The following NCAM2 variants were observed in gnomAD, a reference collection of about 807,000 sequenced individuals.
NCAM2 encodes the protein N-CAM-2.
In NCAM2, 30 loss-of-function variants were observed where a neutral mutation model predicts 98.1. The observed-to-expected ratio is 0.31, with a 90% confidence interval of 0.23 to 0.41. The LOEUF is 0.41. NCAM2 is among the 10% of genes least tolerant of loss of function. The pLI, the probability that NCAM2 is intolerant of heterozygous loss-of-function variation, is 1.00. For synonymous variants in NCAM2, 368 were observed against 342.4 expected, an observed-to-expected ratio of 1.07 and a Z score of -0.83; for missense variants, 867 against 1,005.8, an observed-to-expected ratio of 0.86 and a Z score of 1.87.
At chr21:21,277,012 T>C (rs755211368) in intron 1 of NCAM2, among the ~76,000 whole-genome samples, 8 of 152,096 alleles carry the variant, frequency 5.3e-5, no homozygotes, top group Non-Finnish European at 8.8e-5. Context: ...AGAACTGTAT[T>C]TGACTTTTAA....
intron 1 of NCAM2, among the ~76,000 whole-genome samples, chr21:21,212,291 C>G (rs540102489): frequency 3.3e-4 from 50 of 152,136 alleles, no homozygotes; most frequent in African/African-American, 1.2e-3. Flanking sequence ...ATGAAAAAAG[C>G]CAATTCAAAA....
chr21:21,458,407 C>T (rs1254658695), intron 12 of NCAM2, among the ~76,000 whole-genome samples: 4 of 152,194 alleles, frequency 2.6e-5, no homozygotes, highest in East Asian at 3.9e-4. Flanking sequence ...TCTGGAGAGC[C>T]GCTGGGCCCC....
chr21:21,355,482 AAG>A (rs2075447919), intron 8 of NCAM2, among the ~76,000 whole-genome samples: 1 of 67,902 alleles, frequency 1.5e-5, no homozygotes, highest in African/African-American at 5.6e-5. Context: ...AAAAAAAAAA[AAG>A]GAGAGAAAGA....
chr21:21,536,537 G>A (rs563291700), intron 17 of NCAM2, among the ~76,000 whole-genome samples: 2 of 151,778 alleles, frequency 1.3e-5, no homozygotes, highest in African/African-American at 4.8e-5. Flanking sequence ...GATTACAGGC[G>A]CACGCTGCCA....
intron 8 of NCAM2, among the ~76,000 whole-genome samples, chr21:21,341,608 G>A (rs886818124): frequency 5.9e-5 from 9 of 151,816 alleles, no homozygotes; most frequent in Middle Eastern, 6.8e-3. Flanking sequence ...ATGTCGTGTA[G>A]TAAAAACTAA....
intron 8 of NCAM2, among the ~76,000 whole-genome samples, chr21:21,354,479 A>G (rs950894205): frequency 6.6e-5 from 10 of 152,210 alleles, no homozygotes; most frequent in African/African-American, 2.4e-4. Flanking sequence ...TATGCCAGTT[A>G]TATTTTTAAA....
At position 21,289,511 on chromosome 21, in the gene NCAM2, G is replaced by A. The variant is rs184565968; in HGVS notation, c.482-2593G>A. On this transcript the variant is annotated intron_variant, in intron 4 of 17. Coordinates refer to ENST00000400546, the MANE Select transcript of NCAM2 (RefSeq NM_004540.5). ...ATACACACGTATTAGCCAGGCAAAC[G>A]TCGGTGCGGAATTTTCAGGAAGAGG... Among the ~76,000 whole-genome samples, 979 of 151,980 alleles carry A rather than the reference G, an allele frequency of 6.4e-3. 5 individuals carry two copies. Among genetic ancestry groups the A allele is most frequent in the Middle Eastern group, 0.014 (4 of 294 alleles).
At chr21:21,018,844 T>TGG (rs200960628) in intron 1 of NCAM2, among the ~76,000 whole-genome samples, 45 of 95,264 alleles carry the variant, frequency 4.7e-4, no homozygotes, top group African/African-American at 1.4e-3. Context: ...TAAAAATATT[T>TGG]AGAGAGCTTT....
At chr21:21,345,415 A>G (rs1473050533) in intron 8 of NCAM2, among the ~76,000 whole-genome samples, 5 of 152,138 alleles carry the variant, frequency 3.3e-5, no homozygotes, top group Admixed American at 6.5e-5. Flanking sequence ...TATCAGATCA[A>G]TCTAACAGAG....
intron 5 of NCAM2, among the ~76,000 whole-genome samples, chr21:21,311,106 C>A (rs2074035913): frequency 6.6e-6 from 1 of 152,158 alleles, no homozygotes; most frequent in East Asian, 1.9e-4. Context: ...AACAATTTGT[C>A]TACACAAACA....
At chr21:21,052,917 A>G (rs1471895941) in intron 1 of NCAM2, among the ~76,000 whole-genome samples, 16 of 152,148 alleles carry the variant, frequency 1.1e-4, no homozygotes, top group Non-Finnish European at 1.5e-5. Flanking sequence ...TAAGCCTCAT[A>G]TACTCATTTC....
intron 8 of NCAM2, among the ~76,000 whole-genome samples, chr21:21,351,096 A>G (rs1209661056): frequency 8.2e-6 from 1 of 122,194 alleles, no homozygotes; most frequent in Non-Finnish European, 1.6e-5. Context: ...CCTGGGAGAC[A>G]GAGAGAGCGA....
In NCAM2 at chr21:21,410,363, C is replaced by T; in HGVS notation, c.1285C>T (p.Pro429Ser). The T allele has an allele frequency of 6.2e-7, 1 of 1,601,228 alleles. No individual in the cohort carries two copies. Among genetic ancestry groups the T allele is most frequent in the Non-Finnish European group, 8.5e-7 (1 of 1,172,366 alleles). Residue 429 changes from proline to serine, a missense_variant, in exon 10 of 18, where the codon CCA (proline) becomes TCA (serine). Physicochemically the swap from Pro to Ser is moderately conservative, Grantham distance 74. Around this residue, in one of 5 missense-constraint regions of NCAM2, gnomAD observed 56 missense variants for 39.6 expected, o/e 1.41. Transcript: ENST00000400546. The stretch of plus-strand genomic sequence containing the variant: ...AAGTTGTGATGTGAAATCGAATCCA[C>T]CAGCATCAATTCACTGGAGAAGAGA... ...NISCDVKSNP[P>S]ASIHWRRDKL...
intron 7 of NCAM2, among the ~76,000 whole-genome samples, chr21:21,337,724 T>A (rs1008855889): frequency 4.9e-4 from 75 of 152,150 alleles, no homozygotes; most frequent in African/African-American, 1.8e-3. Context: ...ACATAATGCT[T>A]TTCTTTTTAT....
At chr21:21,466,516 A>C in intron 12 of NCAM2, 90 bp from the exon 13 acceptor site, 1 of 949,916 alleles carries the variant, frequency 1.1e-6, no homozygotes, top group South Asian at 2.4e-5. Context: ...GAATTGTAAT[A>C]GTTTGATTTG....
chr21:21,047,808 AT>A (rs1361424080), intron 1 of NCAM2, among the ~76,000 whole-genome samples: 2 of 151,982 alleles, frequency 1.3e-5, no homozygotes, highest in Non-Finnish European at 2.9e-5. Flanking sequence ...CTAAGCTCTG[AT>A]TTTTTTCATC....
intron 1 of NCAM2, among the ~76,000 whole-genome samples, chr21:21,179,973 G>A (rs553204493): frequency 2.0e-5 from 3 of 152,220 alleles, no homozygotes; most frequent in East Asian, 3.9e-4. Context: ...TCAACTGAAC[G>A]CTGGACTGCC....
intron 16 of NCAM2, among the ~76,000 whole-genome samples, chr21:21,515,566 A>T (rs1031378744): frequency 2.0e-5 from 3 of 152,174 alleles, no homozygotes; most frequent in African/African-American, 7.2e-5. Context: ...ATTATCTCTA[A>T]TGTACTTTTT....
intron 6 of NCAM2, among the ~76,000 whole-genome samples, chr21:21,329,077 C>T (rs891076143): frequency 1.3e-5 from 2 of 151,688 alleles, no homozygotes; most frequent in African/African-American, 4.8e-5. Flanking sequence ...GCCTCAGCCT[C>T]CTGAGTAGCT....
Sources: gnomAD v4.1 joint callset for allele counts (sites outside exome capture counted in the v4.1 genomes callset) on GRCh38, gnomAD v4.1.1 for gene constraint, gnomAD v4.1.1 regional missense constraint, MANE v1.5 for transcripts, NCBI Gene and HGNC (gene_info 2026-07-23, HGNC 2026-07-21) for gene names.